The following RAPGEF2 variants were observed in gnomAD, a reference collection of about 807,000 sequenced individuals.
RAPGEF2 encodes the protein Rap guanine nucleotide exchange factor 2.
A neutral mutation model predicts 186.7 loss-of-function variants in RAPGEF2; 54 were observed. The ratio of observed to expected loss-of-function variants is 0.29; its 90% CI spans 0.23 to 0.36. The LOEUF is 0.36. RAPGEF2 is among the 10% of genes least tolerant of loss of function. The pLI is 1.00. For synonymous variants in RAPGEF2, 712 were observed against 705.9 expected, an observed-to-expected ratio of 1.01 and a Z score of -0.14; for missense variants, 1,532 against 2,045.0, an observed-to-expected ratio of 0.75 and a Z score of 4.84.
chr4:159,243,858 A>G, intron 7 of RAPGEF2, 67 bp downstream of exon 7: 2 of 1,071,994 alleles, frequency 1.9e-6, no homozygotes, highest in South Asian at 2.6e-5. Context: ...CACTGTTACT[A>G]ATGAATTTAT....
intron 17 of RAPGEF2, 176 bp downstream of exon 17, chr4:159,332,873 T>A (rs764839106): frequency 2.6e-5 from 16 of 617,146 alleles, no homozygotes; most frequent in Non-Finnish European, 4.0e-5. Context: ...TTTTGCCACT[T>A]ATTTGGCTAC....
chr4:159,207,424 ATAT>A (rs1177885301), intron 3 of RAPGEF2, among the ~76,000 whole-genome samples: 4 of 152,284 alleles, frequency 2.6e-5, no homozygotes, highest in African/African-American at 9.6e-5. Flanking sequence ...TAATTTGTCG[ATAT>A]TATTTTTGCC....
At chr4:159,127,063 G>C (rs1471618277) in intron 1 of RAPGEF2, among the ~76,000 whole-genome samples, 3 of 152,160 alleles carry the variant, frequency 2.0e-5, no homozygotes, top group Non-Finnish European at 4.4e-5. Flanking sequence ...TTTTGCTCTT[G>C]TCGCCCAGGC....
At chr4:159,205,028 G>A (rs1749825391) in intron 3 of RAPGEF2, among the ~76,000 whole-genome samples, 1 of 152,082 alleles carries the variant, frequency 6.6e-6, no homozygotes, top group African/African-American at 2.4e-5. Context: ...ATTATTTGAG[G>A]AAAAATTAAA....
At chr4:159,195,873 CTGTTTTTTT>C (rs1748585216) in intron 3 of RAPGEF2, among the ~76,000 whole-genome samples, 1 of 94,016 alleles carries the variant, frequency 1.1e-5, no homozygotes, top group African/African-American at 4.1e-5. Flanking sequence ...TCAAACATAC[CTGTTTTTTT>C]TTTTTTTTTT....
intron 4 of RAPGEF2, among the ~76,000 whole-genome samples, chr4:159,237,833 T>G (rs1753447761): frequency 9.6e-6 from 1 of 104,084 alleles, no homozygotes; most frequent in Non-Finnish European, 1.8e-5. Flanking sequence ...ACTTTGTCTC[T>G]ACAAAAATTA....
intron 4 of RAPGEF2, among the ~76,000 whole-genome samples, chr4:159,233,129 G>A (rs1752831904): frequency 6.6e-6 from 1 of 151,976 alleles, no homozygotes. Flanking sequence ...TAATTGATAA[G>A]GCCCTTCGAT....
rs1177555575 is a variant in RAPGEF2, at chr4:159,115,739, A to G, written c.69+11508A>G. Among the ~76,000 whole-genome samples the G allele has an allele frequency of 2.0e-5, 3 of 152,226 alleles. No homozygotes were observed. In the South Asian group the frequency reaches 6.2e-4, roughly 31 times the overall value. ...ATGGTACTGGTACAAAAACAGACAC[A>G]TAGACCAATGGAACAGAATAGTGAT... On this transcript the variant is annotated intron_variant, in intron 1 of 29. Transcript: ENST00000691494.
At chr4:159,295,720 A>AGAGT (rs373050400) in intron 7 of RAPGEF2, among the ~76,000 whole-genome samples, 2 of 134,724 alleles carry the variant, frequency 1.5e-5, no homozygotes, top group African/African-American at 5.6e-5. Context: ...AGAGTGTGTG[A>AGAGT]GTGTGTGTGT....
chr4:159,354,873 A>G (rs1392738787), intron 28 of RAPGEF2, among the ~76,000 whole-genome samples: 5 of 152,234 alleles, frequency 3.3e-5, no homozygotes, highest in African/African-American at 4.8e-5. Flanking sequence ...CTATGGCACA[A>G]TTAACATCTA....
intron 26 of RAPGEF2, 128 bp downstream of exon 26, chr4:159,350,417 C>G: frequency 1.4e-6 from 1 of 731,480 alleles, no homozygotes. Flanking sequence ...TTTGCAATGC[C>G]CAATGGATTT....
At chr4:159,272,404 T>C (rs533706556) in intron 7 of RAPGEF2, among the ~76,000 whole-genome samples, 16 of 152,338 alleles carry the variant, frequency 1.1e-4, no homozygotes, top group Admixed American at 9.1e-4. Context: ...CACTTCAGGC[T>C]CATTTTCTTT....
At chr4:159,156,879 A>C (rs1242423833) in intron 1 of RAPGEF2, among the ~76,000 whole-genome samples, 2 of 152,232 alleles carry the variant, frequency 1.3e-5, no homozygotes, top group Non-Finnish European at 1.5e-5. Context: ...CAATACAAAC[A>C]AGAAATATAG....
At chr4:159,164,968 C>CT (rs1317433743) in intron 1 of RAPGEF2, among the ~76,000 whole-genome samples, 2 of 152,082 alleles carry the variant, frequency 1.3e-5, no homozygotes, top group East Asian at 1.9e-4. Flanking sequence ...TGCTGAAAAT[C>CT]TTTAACATAC....
intron 1 of RAPGEF2, among the ~76,000 whole-genome samples, chr4:159,140,466 A>G (rs1331952168): frequency 6.6e-6 from 1 of 152,208 alleles, no homozygotes; most frequent in Admixed American, 6.5e-5. Flanking sequence ...TTCTTAAAAG[A>G]TATTTTTTGG....
chr4:159,136,617 G>A (rs1741751015), intron 1 of RAPGEF2, among the ~76,000 whole-genome samples: 1 of 152,156 alleles, frequency 6.6e-6, no homozygotes, highest in Admixed American at 6.5e-5. Context: ...TCTAAACAAT[G>A]TGAATGCCTA....
intron 7 of RAPGEF2, among the ~76,000 whole-genome samples, chr4:159,266,033 A>G (rs1259768144): frequency 6.6e-6 from 1 of 152,182 alleles, no homozygotes; most frequent in Non-Finnish European, 1.5e-5. Flanking sequence ...GTGGAGGAAG[A>G]GGAAAATACC....
intron 6 of RAPGEF2, among the ~76,000 whole-genome samples, chr4:159,243,553 T>G (rs1389502252): frequency 2.6e-5 from 4 of 152,032 alleles, no homozygotes; most frequent in African/African-American, 9.6e-5. Flanking sequence ...TTTAAAAGAA[T>G]TGCATGATCA....
intron 1 of RAPGEF2, 98 bp from the exon 2 acceptor site, chr4:159,186,544 A>G: frequency 1.9e-6 from 1 of 527,428 alleles, no homozygotes; most frequent in South Asian, 3.6e-5. Context: ...TAAAAAAGCT[A>G]TCCATAGTTT....
Sources: allele counts gnomAD v4.1 joint callset (sites outside exome capture counted in the v4.1 genomes callset), GRCh38; gene constraint gnomAD v4.1.1; transcripts MANE v1.5; gene names NCBI Gene and HGNC (gene_info 2026-07-23, HGNC 2026-07-21).